FOCAD: variants seen among roughly 807,000 people sequenced by gnomAD.
FOCAD encodes the protein focadhesin.
FOCAD carries 198 observed loss-of-function variants against 225.6 expected under a neutral mutation model. The ratio of observed to expected loss-of-function variants is 0.88; its 90% CI spans 0.78 to 0.99. FOCAD has a LOEUF of 0.99. Among genes scored for constraint, FOCAD ranks in the 50% least tolerant of loss-of-function variants. The pLI is 0.00. For missense variants in FOCAD, 2,713 were observed against 2,123.6 expected, an observed-to-expected ratio of 1.28 and a Z score of -5.46; for synonymous variants, 897 against 755.0, an observed-to-expected ratio of 1.19 and a Z score of -3.08.
At chr9:20,813,375 A>G (rs1030551065) in intron 11 of FOCAD, among the ~76,000 whole-genome samples, 3 of 152,114 alleles carry the variant, frequency 2.0e-5, no homozygotes, top group African/African-American at 7.2e-5. Context: ...TGCATAAACA[A>G]CCTCAAGATC....
intron 20 of FOCAD, among the ~76,000 whole-genome samples, chr9:20,882,545 T>A (rs1238419935): frequency 6.6e-6 from 1 of 152,144 alleles, no homozygotes; most frequent in Non-Finnish European, 1.5e-5. Context: ...AAAAACAGCA[T>A]GCAAGAGGTA....
At chr9:20,910,744 A>T (rs1281951639) in intron 22 of FOCAD, among the ~76,000 whole-genome samples, 2 of 152,074 alleles carry the variant, frequency 1.3e-5, no homozygotes, top group East Asian at 3.9e-4. Context: ...GGATCTCTCT[A>T]TTACCAGTAA....
intron 15 of FOCAD, among the ~76,000 whole-genome samples, chr9:20,840,016 T>C (rs1826361183): frequency 6.6e-6 from 1 of 152,186 alleles, no homozygotes; most frequent in Admixed American, 6.6e-5. Flanking sequence ...TCCGTTGGTC[T>C]ATGTGTCTGT....
intron 28 of FOCAD, among the ~76,000 whole-genome samples, chr9:20,934,324 A>T (rs1258837491): frequency 6.6e-6 from 1 of 152,026 alleles, no homozygotes; most frequent in Non-Finnish European, 1.5e-5. Flanking sequence ...TATTTTTAGA[A>T]TTTTTATAGT....
At chr9:20,702,326 A>G (rs1264437516) in intron 1 of FOCAD, among the ~76,000 whole-genome samples, 1 of 151,698 alleles carries the variant, frequency 6.6e-6, no homozygotes, top group African/African-American at 2.4e-5. Flanking sequence ...TTGATTTCGA[A>G]CCCCTGGCCT....
intron 1 of FOCAD, among the ~76,000 whole-genome samples, chr9:20,697,694 G>C (rs988639853): frequency 6.6e-5 from 10 of 152,150 alleles, no homozygotes; most frequent in African/African-American, 2.4e-4. Flanking sequence ...CTAAAATTTT[G>C]ATTTTCTTGG....
At chr9:20,970,240 T>A (rs892408976) in intron 35 of FOCAD, among the ~76,000 whole-genome samples, 3 of 152,102 alleles carry the variant, frequency 2.0e-5, no homozygotes, top group African/African-American at 7.2e-5. Context: ...ATTTGTGTCT[T>A]TTTTATTAAA....
chr9:20,928,433 A>T (rs1204207329), intron 26 of FOCAD, among the ~76,000 whole-genome samples: 1 of 152,236 alleles, frequency 6.6e-6, no homozygotes, highest in Non-Finnish European at 1.5e-5. Context: ...AATTAAAAAC[A>T]TATTTTAATG....
At chr9:20,770,914 C>G (rs1818157705) in intron 8 of FOCAD, among the ~76,000 whole-genome samples, 1 of 152,056 alleles carries the variant, frequency 6.6e-6, no homozygotes, top group African/African-American at 2.4e-5. Flanking sequence ...ATATGCCAGG[C>G]TTTATAGAAT....
At chr9:20,714,843 CT>C (rs1408865397) in intron 1 of FOCAD, among the ~76,000 whole-genome samples, 1 of 152,106 alleles carries the variant, frequency 6.6e-6, no homozygotes, top group African/African-American at 2.4e-5. Flanking sequence ...ACTTCTAGGT[CT>C]TTTCTATACT....
At chr9:20,956,792 A>G (rs1838173231) in intron 35 of FOCAD, among the ~76,000 whole-genome samples, 1 of 152,146 alleles carries the variant, frequency 6.6e-6, no homozygotes, top group South Asian at 2.1e-4. Flanking sequence ...TACAGCTATT[A>G]TCATTTCTGG....
At chr9:20,725,903 G>A (rs563615250) in intron 4 of FOCAD, among the ~76,000 whole-genome samples, 29 of 152,072 alleles carry the variant, frequency 1.9e-4, no homozygotes, top group East Asian at 1.9e-4. Flanking sequence ...TTGTAAACTC[G>A]TTTTTATAGC....
intron 5 of FOCAD, among the ~76,000 whole-genome samples, chr9:20,751,318 A>G (rs1227083183): frequency 1.3e-5 from 1 of 78,662 alleles, no homozygotes; most frequent in Non-Finnish European, 2.3e-5. Flanking sequence ...CCCTCCCCCC[A>G]CCCCACAACA....
intron 3 of FOCAD, among the ~76,000 whole-genome samples, chr9:20,718,896 A>G (rs192468461): frequency 6.6e-6 from 1 of 152,208 alleles, no homozygotes; most frequent in Non-Finnish European, 1.5e-5. Context: ...GATGACATTT[A>G]GAACCTTTTG....
At chr9:20,735,616 A>G (rs982737492) in intron 4 of FOCAD, among the ~76,000 whole-genome samples, 4 of 151,784 alleles carry the variant, frequency 2.6e-5, no homozygotes, top group Non-Finnish European at 5.9e-5. Context: ...CCTGGGCTCA[A>G]GTGATCCTCC....
At chr9:20,795,587 C>A (rs1370826700) in intron 11 of FOCAD, among the ~76,000 whole-genome samples, 1 of 151,606 alleles carries the variant, frequency 6.6e-6, no homozygotes, top group Admixed American at 6.6e-5. Context: ...AGATTGAGAC[C>A]ATCCTGGCTA....
intron 24 of FOCAD, among the ~76,000 whole-genome samples, chr9:20,920,543 G>A (rs1834314063): frequency 8.0e-6 from 1 of 124,650 alleles, no homozygotes; most frequent in Non-Finnish European, 1.7e-5. Flanking sequence ...ATTCACAATA[G>A]CAAAGACTTG....
In FOCAD at chr9:20,885,140, G is replaced by T; in HGVS notation, c.2535G>T (p.Met845Ile). 6.6e-7 allele frequency: 1 copy of T among 1,518,504 alleles called. No homozygotes were observed. Among genetic ancestry groups the T allele is most frequent in the Non-Finnish European group, 8.8e-7 (1 of 1,130,992 alleles). The allele number at this position is 1,518,504 out of a possible 1,614,324, so 94.1% of individuals were successfully genotyped here. A position where few individuals can be genotyped will look rare whatever the true frequency, so the allele number is the denominator to read the frequency against. ...TGTTATTTTGCTATGATGTTTCCAT[G>T]TATCAGAGTAAAGATGGAAAACCAT... ...GGMLFCYDVS[M>I]YQSKDGKPLN... The change falls in exon 21 of 44, where the codon ATG (methionine) becomes ATT (isoleucine). Residue 845 changes from methionine (M) to isoleucine (I), a missense_variant. Transcript: ENST00000338382.
chr9:20,904,483 C>T (rs990605287), intron 21 of FOCAD, among the ~76,000 whole-genome samples: 6 of 151,968 alleles, frequency 3.9e-5, no homozygotes, highest in African/African-American at 1.4e-4. Flanking sequence ...GTAACCTTCT[C>T]GCATCCCTGC....
Sources: allele counts gnomAD v4.1 joint callset (sites outside exome capture counted in the v4.1 genomes callset), GRCh38; gene constraint gnomAD v4.1.1; transcripts MANE v1.5; gene names NCBI Gene and HGNC (gene_info 2026-07-23, HGNC 2026-07-21).